Variants in NKAP observed in about 807,000 individuals in gnomAD.
The protein encoded by NKAP is NF-kappa-B-activating protein.
Under a neutral mutation model 35.6 loss-of-function variants are expected in NKAP, and 4 were observed. That is an observed-to-expected ratio of 0.11 (90% CI 0.06 to 0.26). NKAP has a LOEUF of 0.26. Ranked by LOEUF, NKAP falls within the 10% of genes least tolerant of loss-of-function variation. The pLI is 1.00. For missense variants in NKAP, 238 were observed against 321.9 expected (o/e 0.74, Z 1.99); for synonymous variants, 106 against 119.2 (o/e 0.89, Z 0.72).
intron 1 of NKAP, among the ~76,000 whole-genome samples, chrX:119,942,169 T>A (rs1372426810): frequency 1.8e-5 from 2 of 111,223 alleles, no homozygotes; most frequent in African/African-American, 3.3e-5. Context: ...TAATAAAGTA[T>A]AGTGATGAAA....
intron 2 of NKAP, chrX:119,937,246 A>G (rs2056771032): frequency 8.9e-6 from 1 of 112,278 alleles, no homozygotes; most frequent in South Asian, 3.6e-4. Flanking sequence ...AATAGTTTAG[A>G]AAAGGAGTTT....
At chrX:119,937,903 G>A (rs2056774463) in intron 2 of NKAP, 1 of 111,119 alleles carries the variant, frequency 9.0e-6, no homozygotes, top group East Asian at 2.8e-4. Context: ...ACAAATTACA[G>A]GTTTACCTGT....
Position 119,943,269 on chromosome X carries a change from G to T in NKAP, c.337C>A (p.Pro113Thr), listed in dbSNP as rs2056802223. ...TCCTTGTCGAGGAGGCTAGGCCAAG[G>T]CTTGTCGCTCCCGTAGGGGCGCGAG... ...SYSRPYGSDKPWPSLLDKERE... is the reference protein window; with the variant it reads ...SYSRPYGSDKTWPSLLDKERE... The change falls in exon 1 of 9, where the codon CCT (proline) becomes ACT (threonine). Residue 113 changes from proline to threonine, a missense_variant. Physicochemically the swap from Pro to Thr is conservative, Grantham distance 38. Coordinates refer to ENST00000371410, the MANE Select transcript of NKAP (RefSeq NM_024528.4). 8.3e-7 allele frequency: 1 copy of T among 1,208,431 alleles called. No individual in the cohort carries two copies. Among genetic ancestry groups the T allele is most frequent in the Admixed American group, 2.2e-5 (1 of 45,788 alleles).
At chrX:119,943,084 T>A in intron 1 of NKAP, 136 bp downstream of exon 1, 1 of 848,459 alleles carries the variant, frequency 1.2e-6, no homozygotes, top group South Asian at 2.6e-5. Flanking sequence ...CGTGGGTGGA[T>A]TAAAGAAAGG....
intron 5 of NKAP, among the ~76,000 whole-genome samples, chrX:119,933,508 C>T (rs755142047): frequency 2.7e-5 from 3 of 111,651 alleles, no homozygotes; most frequent in Non-Finnish European, 5.6e-5. Context: ...ACCTATTAAT[C>T]TATTGGAAAT....
chrX:119,941,426 C>T (rs1429571019), intron 1 of NKAP, among the ~76,000 whole-genome samples: 1 of 111,138 alleles, frequency 9.0e-6, no homozygotes, highest in Non-Finnish European at 1.9e-5. Flanking sequence ...CCCCAAATCC[C>T]TAGTACTTAT....
At chrX:119,926,344 G>C (rs997143069) in intron 8 of NKAP, among the ~76,000 whole-genome samples, 6 of 110,696 alleles carry the variant, frequency 5.4e-5, no homozygotes, top group Non-Finnish European at 1.1e-4. Flanking sequence ...TTGGCTCACT[G>C]CGACCTCTGC....
rs748283055 is a variant in NKAP at position 119,924,189 on chromosome X, C to T, written c.*1031G>A. 39 of 110,502 alleles carry T rather than the reference C, an allele frequency of 3.5e-4. 1 individual carries two copies. The highest frequency in any genetic ancestry group is 1.2e-3 in the African/African-American group (36 of 30,509). The allele number at this position is 110,502 out of a possible 1,213,427, so 9.1% of individuals were successfully genotyped here. On this transcript the variant is annotated 3_prime_UTR_variant, in exon 9 of 9. Coordinates refer to ENST00000371410, the MANE Select transcript of NKAP (RefSeq NM_024528.4). ...AACAAAAGTGGCCTCCTATATGTTC[C>T]TATCAAGTCCATTTATAACACATTC...
intron 5 of NKAP, among the ~76,000 whole-genome samples, chrX:119,934,186 AC>A (rs1421366943): frequency 9.1e-6 from 1 of 109,571 alleles, no homozygotes; most frequent in Non-Finnish European, 1.9e-5. Context: ...TAATCCCAGC[AC>A]TTTGGGAGGC....
chrX:119,923,962 A>T lies in NKAP; in HGVS notation c.*1258T>A, dbSNP rs1603379196. On this transcript the variant is annotated 3_prime_UTR_variant, in exon 9 of 9. Transcript: ENST00000371410. ...AGAGCGAGATTCCATCTCAAAAAAA[A>T]CAATTTAAAATATCTAATGTTCACA... The T allele has an allele frequency of 1.1e-5, 1 of 88,077 alleles. No individual in the cohort carries two copies. Among genetic ancestry groups the T allele is most frequent in the East Asian group, 2.8e-4 (1 of 3,541 alleles). The allele number at this position is 88,077 out of a possible 1,213,427, so 7.3% of individuals were successfully genotyped here.
At chrX:119,935,026 G>A (rs2056760416) in intron 4 of NKAP, among the ~76,000 whole-genome samples, 1 of 111,482 alleles carries the variant, frequency 9.0e-6, no homozygotes, top group Non-Finnish European at 1.9e-5. Flanking sequence ...TGATAAAAAG[G>A]GAAAGAAAAC....
At chrX:119,935,530 T>C (rs2056762461) in intron 4 of NKAP, among the ~76,000 whole-genome samples, 1 of 111,788 alleles carries the variant, frequency 8.9e-6, no homozygotes, top group Non-Finnish European at 1.9e-5. Context: ...TAGGGTATTA[T>C]TACTAATTTT....
chrX:119,935,382 G>A (rs1347242165), intron 4 of NKAP, among the ~76,000 whole-genome samples: 4 of 111,750 alleles, frequency 3.6e-5, no homozygotes, highest in Non-Finnish European at 7.5e-5. Flanking sequence ...GAGACAGAAA[G>A]TAGTTTTCAG....
intron 8 of NKAP, among the ~76,000 whole-genome samples, chrX:119,925,808 A>G (rs1343396893): frequency 9.1e-6 from 1 of 109,792 alleles, no homozygotes; most frequent in Non-Finnish European, 1.9e-5. Flanking sequence ...TCAGCCTCCC[A>G]AAGTGCTGAG....
chrX:119,926,032 C>T (rs1472037698), intron 8 of NKAP, among the ~76,000 whole-genome samples: 1 of 91,684 alleles, frequency 1.1e-5, no homozygotes, highest in Non-Finnish European at 2.1e-5. Flanking sequence ...TCTCGGCTCA[C>T]TGCAAGCTCC....
intron 1 of NKAP, among the ~76,000 whole-genome samples, chrX:119,939,835 G>GT (rs756632979): frequency 9.2e-6 from 1 of 108,912 alleles, no homozygotes; most frequent in Non-Finnish European, 1.9e-5. Context: ...GGAGGTGGAA[G>GT]TTTCAGTGAG....
chrX:119,926,028 C>T (rs2056711499), intron 8 of NKAP, among the ~76,000 whole-genome samples: 1 of 89,444 alleles, frequency 1.1e-5, no homozygotes, highest in African/African-American at 4.3e-5. Flanking sequence ...GCAATCTCGG[C>T]TCACTGCAAG....
At position 119,943,724 on chromosome X, in the gene NKAP, C is replaced by T; in HGVS notation, c.-119G>A. 11 of 866,722 alleles carry T rather than the reference C, an allele frequency of 1.3e-5. No homozygotes were observed. The highest frequency in any genetic ancestry group is 1.7e-5 in the Non-Finnish European group (11 of 641,186). The allele number at this position is 866,722 out of a possible 1,213,427, so 71.4% of individuals were successfully genotyped here. Reference sequence around the variant, plus strand: ...GCGGAACAGCCCAAATCTGAGGAAACCTTGGACACAGTTCTGGGTACTTCT... The same window carrying T: ...GCGGAACAGCCCAAATCTGAGGAAATCTTGGACACAGTTCTGGGTACTTCT... On this transcript the variant is annotated 5_prime_UTR_variant, in exon 1 of 9. Coordinates refer to ENST00000371410, the MANE Select transcript of NKAP (RefSeq NM_024528.4).
chrX:119,921,630 C>T lies in NKAP; in HGVS notation c.*3590G>A, dbSNP rs757655475. On this transcript the variant is annotated 3_prime_UTR_variant, in exon 9 of 9. Transcript: ENST00000371410. ...TAAACACAATTTGAAGCAGTAACAA[C>T]ACTCATAAGCTGAAAATAAAATACT... 8 of 108,948 alleles carry T rather than the reference C, an allele frequency of 7.3e-5. No homozygotes were observed. The highest frequency in any genetic ancestry group is 8.0e-4 in the South Asian group (2 of 2,491). 9.0% of individuals were successfully genotyped at this position (108,948 alleles called of 1,213,427 possible).
Sources: gnomAD v4.1 joint callset for allele counts (sites outside exome capture counted in the v4.1 genomes callset) on GRCh38, gnomAD v4.1.1 for gene constraint, MANE v1.5 for transcripts, NCBI Gene and HGNC (gene_info 2026-07-23, HGNC 2026-07-21) for gene names.